Variants in CSGALNACT1 observed in about 807,000 individuals in gnomAD.
CSGALNACT1 encodes the protein beta4GalNAcT-1.
In CSGALNACT1, 52 loss-of-function variants were observed where a neutral mutation model predicts 51.0. The observed-to-expected ratio is 1.02, with a 90% CI of 0.82 to 1.29. CSGALNACT1 has a LOEUF of 1.29. Ranked by LOEUF, CSGALNACT1 falls within the 50% of genes most tolerant of loss-of-function variation. The pLI, the probability that CSGALNACT1 is intolerant of heterozygous loss-of-function variation, is 0.00. For synonymous variants in CSGALNACT1, 341 were observed against 254.4 expected, an observed-to-expected ratio of 1.34 and a Z score of -3.24; for missense variants, 935 against 679.2, an observed-to-expected ratio of 1.38 and a Z score of -4.19.
chr8:19,488,275 G>C (rs1222268661), intron 4 of CSGALNACT1, among the ~76,000 whole-genome samples: 9 of 150,984 alleles, frequency 6.0e-5, no homozygotes, highest in Admixed American at 5.3e-4. Flanking sequence ...GCTTGAATCT[G>C]GCAGGCAGAG....
intron 1 of CSGALNACT1, among the ~76,000 whole-genome samples, chr8:19,675,308 C>A (rs956963288): frequency 6.6e-6 from 1 of 152,206 alleles, no homozygotes; most frequent in Non-Finnish European, 1.5e-5. Flanking sequence ...TAATTTCCTT[C>A]CCCCACTTTC....
At chr8:19,687,754 C>A (rs560657994) in intron 1 of CSGALNACT1, among the ~76,000 whole-genome samples, 1 of 152,266 alleles carries the variant, frequency 6.6e-6, no homozygotes, top group African/African-American at 2.4e-5. Context: ...TACATAAAGA[C>A]AATACTATTA....
intron 1 of CSGALNACT1, among the ~76,000 whole-genome samples, chr8:19,691,173 C>G (rs540921979): frequency 1.3e-5 from 2 of 152,166 alleles, no homozygotes; most frequent in African/African-American, 4.8e-5. Flanking sequence ...AGGCCACGCC[C>G]GAAGGAGAAA....
At chr8:19,471,192 G>T (rs2153864264) in intron 4 of CSGALNACT1, among the ~76,000 whole-genome samples, 1 of 152,260 alleles carries the variant, frequency 6.6e-6, no homozygotes, top group African/African-American at 2.4e-5. Flanking sequence ...GAAAAGGGAA[G>T]AAAGCCTCCA....
At chr8:19,516,862 GCCACGGC>G (rs1173234122) in intron 3 of CSGALNACT1, among the ~76,000 whole-genome samples, 2 of 152,188 alleles carry the variant, frequency 1.3e-5, no homozygotes, top group African/African-American at 2.4e-5. Flanking sequence ...GAACACAGCG[GCCACGGC>G]AGTCTCAGTG....
chr8:19,619,033 C>G (rs1296769648), intron 1 of CSGALNACT1, among the ~76,000 whole-genome samples: 1 of 152,080 alleles, frequency 6.6e-6, no homozygotes, highest in Non-Finnish European at 1.5e-5. Flanking sequence ...GCTACAAACC[C>G]TGCCCTCTTA....
chr8:19,616,972 A>C (rs2053117236), intron 1 of CSGALNACT1, among the ~76,000 whole-genome samples: 2 of 152,146 alleles, frequency 1.3e-5, no homozygotes, highest in African/African-American at 4.8e-5. Context: ...CTTTATTTCT[A>C]TTATTACCAC....
chr8:19,582,466 AC>A (rs2045784635), intron 3 of CSGALNACT1, among the ~76,000 whole-genome samples: 1 of 152,136 alleles, frequency 6.6e-6, no homozygotes, highest in South Asian at 2.1e-4. Flanking sequence ...ACCTAGTAAA[AC>A]CAACATTTTC....
At chr8:19,637,944 C>T (rs187924597) in intron 1 of CSGALNACT1, among the ~76,000 whole-genome samples, 1 of 151,796 alleles carries the variant, frequency 6.6e-6, no homozygotes, top group African/African-American at 2.4e-5. Flanking sequence ...TCAAGGTCAG[C>T]TGGAGCAGAT....
At chr8:19,421,972 C>A (rs550972791) in intron 6 of CSGALNACT1, among the ~76,000 whole-genome samples, 51 of 152,122 alleles carry the variant, frequency 3.4e-4, no homozygotes, top group Non-Finnish European at 5.7e-4. Flanking sequence ...AAGTGTTCAA[C>A]AGATGTTTCT....
intron 1 of CSGALNACT1, among the ~76,000 whole-genome samples, chr8:19,701,596 GGTAC>G (rs1411221309): frequency 1.3e-5 from 2 of 152,014 alleles, no homozygotes; most frequent in Non-Finnish European, 2.9e-5. Context: ...ATTCCTCAGG[GGTAC>G]ACCTAAGATC....
intron 1 of CSGALNACT1, among the ~76,000 whole-genome samples, chr8:19,666,811 G>GGAAGAAAGAAAGAAAGAA (rs2059246565): frequency 3.8e-5 from 1 of 26,354 alleles, no homozygotes; most frequent in African/African-American, 2.1e-4. Flanking sequence ...AAGAAAGAAA[G>GGAAGAAAGAAAGAAAGAA]AGAGAGAGAG....
intron 1 of CSGALNACT1, among the ~76,000 whole-genome samples, chr8:19,668,380 T>A (rs2059548787): frequency 6.6e-6 from 1 of 151,912 alleles, no homozygotes; most frequent in Non-Finnish European, 1.5e-5. Context: ...AAAAAGGCAA[T>A]CATTCCACAT....
intron 1 of CSGALNACT1, among the ~76,000 whole-genome samples, chr8:19,649,842 A>AAAAAAAAAAAAAAAAAAC: frequency 6.7e-6 from 1 of 148,950 alleles, no homozygotes; most frequent in East Asian, 1.9e-4. Context: ...AAAAAAAAAA[A>AAAAAAAAAAAAAAAAAAC]AAACCACGGG....
At chr8:19,644,049 G>A (rs1390117646) in intron 1 of CSGALNACT1, among the ~76,000 whole-genome samples, 1 of 152,098 alleles carries the variant, frequency 6.6e-6, no homozygotes, top group Non-Finnish European at 1.5e-5. Context: ...CCTAACATTG[G>A]AGAATGCTAA....
chr8:19,740,519 G>A (rs1005821759), intron 1 of CSGALNACT1, among the ~76,000 whole-genome samples: 1 of 152,204 alleles, frequency 6.6e-6, no homozygotes, highest in Admixed American at 6.5e-5. Flanking sequence ...TCAGAGTGAG[G>A]AGGATTTTCA....
At chr8:19,656,059 T>C (rs1393316939) in intron 1 of CSGALNACT1, among the ~76,000 whole-genome samples, 1 of 152,120 alleles carries the variant, frequency 6.6e-6, no homozygotes, top group Non-Finnish European at 1.5e-5. Context: ...ATCACAAGCC[T>C]AGGTGAGGGC....
At chr8:19,674,457 C>G (rs1564401496) in intron 1 of CSGALNACT1, among the ~76,000 whole-genome samples, 3 of 152,036 alleles carry the variant, frequency 2.0e-5, no homozygotes, top group African/African-American at 7.2e-5. Context: ...GAAAAAGACC[C>G]TGAGGCAGGA....
chr8:19,514,671 A>AT (rs2079175012), intron 3 of CSGALNACT1, among the ~76,000 whole-genome samples: 2 of 148,854 alleles, frequency 1.3e-5, no homozygotes. Flanking sequence ...AAAAAAAAAA[A>AT]TACAGAAGAG....
Sources: allele counts gnomAD v4.1 joint callset (sites outside exome capture counted in the v4.1 genomes callset), GRCh38; gene constraint gnomAD v4.1.1; transcripts MANE v1.5; gene names NCBI Gene and HGNC (gene_info 2026-07-23, HGNC 2026-07-21).